The following MPPED2 variants were observed in gnomAD, a reference collection of about 807,000 sequenced individuals.
MPPED2 encodes metallophosphoesterase MPPED2.
MPPED2 carries 5 observed loss-of-function variants against 33.0 expected under a neutral mutation model. The ratio of observed to expected loss-of-function variants is 0.15; its 90% CI spans 0.08 to 0.32. The LOEUF is 0.32. Among genes scored for constraint, MPPED2 ranks in the 10% least tolerant of loss-of-function variants. The probability of loss-of-function intolerance (pLI) is 1.00; values close to 1 mark genes in which losing one functional copy is unlikely to be tolerated. For synonymous variants in MPPED2, 136 were observed against 141.9 expected (o/e 0.96, Z 0.29); for missense variants, 275 against 372.1 (o/e 0.74, Z 2.15).
intron 2 of MPPED2, among the ~76,000 whole-genome samples, chr11:30,571,916 A>G (rs1956711297): frequency 6.6e-6 from 1 of 152,206 alleles, no homozygotes. Context: ...TTGCCACTTG[A>G]ATAATTTTTA....
rs917908367 is a variant in MPPED2, at chr11:30,549,966, C to T, written c.129-13791G>A. Among the ~76,000 whole-genome samples the T allele has an allele frequency of 2.6e-5, 4 of 152,264 alleles. No individual in the cohort carries two copies. The East Asian group carries it at 7.7e-4, about 29-fold the overall frequency. On this transcript the variant is annotated intron_variant, in intron 2 of 6. Transcript: ENST00000358117. ...GGGCATGTTAAGTTCAAATCAGCCCCTCTTCCCACTCCCATATCAATTGCT... is the reference window on the plus strand; with the variant it reads ...GGGCATGTTAAGTTCAAATCAGCCCTTCTTCCCACTCCCATATCAATTGCT...
chr11:30,482,619 G>A (rs567170225), intron 4 of MPPED2, among the ~76,000 whole-genome samples: 29 of 151,938 alleles, frequency 1.9e-4, no homozygotes, highest in Admixed American at 5.2e-4. Flanking sequence ...AAGCTTTTTT[G>A]GTCTCGTTCA....
At chr11:30,404,588 C>T (rs1405900192) in intron 6 of MPPED2, among the ~76,000 whole-genome samples, 3 of 152,200 alleles carry the variant, frequency 2.0e-5, no homozygotes, top group East Asian at 1.9e-4. Flanking sequence ...TGCCACACCT[C>T]GCACGTCCCC....
At chr11:30,584,006 T>C (rs932598988) in intron 1 of MPPED2, 2 of 152,234 alleles carry the variant, frequency 1.3e-5, no homozygotes, top group African/African-American at 4.8e-5. Context: ...TCCCTGTATC[T>C]GGGAGCGATG....
intron 2 of MPPED2, among the ~76,000 whole-genome samples, chr11:30,550,213 ACAGT>A (rs3062026): frequency 0.018 from 2,757 of 152,112 alleles, 50 homozygotes; most frequent in Admixed American, 0.047. Flanking sequence ...AGCCTGAGAA[ACAGT>A]CAGTGAAAAG....
At chr11:30,561,207 C>G (rs1447381578) in intron 2 of MPPED2, among the ~76,000 whole-genome samples, 1 of 152,118 alleles carries the variant, frequency 6.6e-6, no homozygotes, top group East Asian at 1.9e-4. Flanking sequence ...GAAATAAATA[C>G]TGCTACAGCC....
intron 3 of MPPED2, among the ~76,000 whole-genome samples, chr11:30,511,626 C>T (rs1187746412): frequency 3.3e-5 from 5 of 152,126 alleles, no homozygotes; most frequent in Non-Finnish European, 4.4e-5. Context: ...CACATGTGCA[C>T]GTGCACACAC....
intron 2 of MPPED2, among the ~76,000 whole-genome samples, chr11:30,547,320 A>G (rs12289867): frequency 0.23 from 34,866 of 152,210 alleles, 4,321 homozygotes; most frequent in East Asian, 0.42. Context: ...TTACTAAGCA[A>G]TAACTAAATG....
chr11:30,446,329 C>G (rs759784086), intron 4 of MPPED2, among the ~76,000 whole-genome samples: 2 of 152,200 alleles, frequency 1.3e-5, no homozygotes, highest in Admixed American at 6.5e-5. Context: ...CTAGCAAGTA[C>G]CAAGCTCTGC....
intron 2 of MPPED2, among the ~76,000 whole-genome samples, chr11:30,579,545 A>G (rs1477659014): frequency 6.6e-6 from 1 of 152,190 alleles, no homozygotes; most frequent in Non-Finnish European, 1.5e-5. Flanking sequence ...CAGGTGCTGC[A>G]AAATCCTTGC....
chr11:30,432,402 C>A (rs1949119811), intron 4 of MPPED2, among the ~76,000 whole-genome samples: 1 of 151,540 alleles, frequency 6.6e-6, no homozygotes, highest in Non-Finnish European at 1.5e-5. Flanking sequence ...GCAAGGTTTT[C>A]TAGAGGTGTC....
chr11:30,505,819 T>C (rs974849286), intron 3 of MPPED2, among the ~76,000 whole-genome samples: 2 of 151,772 alleles, frequency 1.3e-5, no homozygotes, highest in African/African-American at 2.4e-5. Context: ...GACTTTGGAG[T>C]CAGACAGATT....
At chr11:30,472,233 T>C (rs1590416426) in intron 4 of MPPED2, among the ~76,000 whole-genome samples, 1 of 152,094 alleles carries the variant, frequency 6.6e-6, no homozygotes, top group Non-Finnish European at 1.5e-5. Context: ...TTGTGGTGCA[T>C]GCTTGTGGTC....
intron 4 of MPPED2, among the ~76,000 whole-genome samples, chr11:30,448,195 T>C (rs181857369): frequency 6.6e-6 from 1 of 152,320 alleles, no homozygotes; most frequent in African/African-American, 2.4e-5. Context: ...TGCAATGGAA[T>C]ACTAAAGGAC....
At chr11:30,561,389 TTCAACAGTC>T (rs1379857351) in intron 2 of MPPED2, among the ~76,000 whole-genome samples, 1 of 152,174 alleles carries the variant, frequency 6.6e-6, no homozygotes, top group Non-Finnish European at 1.5e-5. Context: ...TAATGTGAAG[TTCAACAGTC>T]TCAACTAAAT....
chr11:30,523,670 C>T (rs1046670601), intron 3 of MPPED2, among the ~76,000 whole-genome samples: 2 of 145,266 alleles, frequency 1.4e-5, no homozygotes, highest in African/African-American at 2.6e-5. Flanking sequence ...TCTTGTTGCC[C>T]AGACTGGAGT....
chr11:30,531,550 GC>G (rs1217277131), intron 3 of MPPED2, among the ~76,000 whole-genome samples: 1 of 152,192 alleles, frequency 6.6e-6, no homozygotes, highest in Non-Finnish European at 1.5e-5. Context: ...GGAAATGCTT[GC>G]CCAAAAAGAC....
At chr11:30,554,651 C>T (rs113426453) in intron 2 of MPPED2, among the ~76,000 whole-genome samples, 15 of 152,178 alleles carry the variant, frequency 9.9e-5, no homozygotes, top group African/African-American at 3.1e-4. Context: ...CCTGCCACGA[C>T]GCCCAGCTAA....
downstream of MPPED2, among the ~76,000 whole-genome samples, chr11:30,384,170 C>G (rs530791015): frequency 1.3e-5 from 2 of 152,194 alleles, no homozygotes; most frequent in South Asian, 4.1e-4. Flanking sequence ...AAAGACACTC[C>G]CAATACACAG....
Sources: gnomAD v4.1 joint callset for allele counts (sites outside exome capture counted in the v4.1 genomes callset) on GRCh38, gnomAD v4.1.1 for gene constraint, MANE v1.5 for transcripts, NCBI Gene and HGNC (gene_info 2026-07-23, HGNC 2026-07-21) for gene names.